The following MACROD2 variants were observed in gnomAD, a reference collection of about 807,000 sequenced individuals.
MACROD2 encodes ADP-ribose glycohydrolase MACROD2.
MACROD2 carries 36 observed loss-of-function variants against 70.4 expected under a neutral mutation model. The ratio of observed to expected loss-of-function variants is 0.51; its 90% CI spans 0.39 to 0.68. The LOEUF is 0.68. MACROD2 is among the 30% of genes least tolerant of loss of function. The pLI is 0.00. For synonymous variants in MACROD2, 172 were observed against 178.8 expected (o/e 0.96, Z 0.30); for missense variants, 496 against 538.4 (o/e 0.92, Z 0.78).
At chr20:14,534,968 A>T (rs891604222) in intron 4 of MACROD2, among the ~76,000 whole-genome samples, 3 of 152,262 alleles carry the variant, frequency 2.0e-5, no homozygotes, top group Admixed American at 6.5e-5. Context: ...ACAATAGATG[A>T]AAGAGGCAAG....
At chr20:15,419,398 T>C (rs1032800196) in intron 6 of MACROD2, among the ~76,000 whole-genome samples, 3 of 152,108 alleles carry the variant, frequency 2.0e-5, no homozygotes, top group Non-Finnish European at 4.4e-5. Context: ...GGGCGTATCA[T>C]GGACAGGGGT....
chr20:14,477,932 A>C (rs1011240617), intron 3 of MACROD2, among the ~76,000 whole-genome samples: 1 of 151,992 alleles, frequency 6.6e-6, no homozygotes, highest in Non-Finnish European at 1.5e-5. Context: ...GTGGTCAAAG[A>C]CTCACTCCAT....
intron 5 of MACROD2, among the ~76,000 whole-genome samples, chr20:15,107,048 A>ATTTTTT (rs2075916351): frequency 1.1e-5 from 1 of 94,438 alleles, no homozygotes; most frequent in African/African-American, 5.5e-5. Context: ...ATGTATATAG[A>ATTTTTT]TTGTTCTGTA....
At chr20:15,252,153 G>T (rs1002938472) in intron 6 of MACROD2, among the ~76,000 whole-genome samples, 1 of 152,310 alleles carries the variant, frequency 6.6e-6, no homozygotes, top group South Asian at 2.1e-4. Flanking sequence ...ATTTTGAGGA[G>T]CTATACTAGG....
At chr20:14,785,946 G>T (rs914023611) in intron 5 of MACROD2, among the ~76,000 whole-genome samples, 1 of 152,008 alleles carries the variant, frequency 6.6e-6, no homozygotes, top group Non-Finnish European at 1.5e-5. Context: ...CAGTACATCA[G>T]CAGCTTACTT....
chr20:14,266,325 G>A (rs2082144001), intron 3 of MACROD2, among the ~76,000 whole-genome samples: 1 of 152,050 alleles, frequency 6.6e-6, no homozygotes, highest in African/African-American at 2.4e-5. Context: ...TGAAAATTTG[G>A]GGTTTCTTGA....
intron 3 of MACROD2, among the ~76,000 whole-genome samples, chr20:14,217,189 C>T (rs535734287): frequency 2.6e-5 from 4 of 152,004 alleles, no homozygotes; most frequent in South Asian, 2.1e-4. Flanking sequence ...CCTTGTATGC[C>T]GATTTCACTG....
chr20:16,009,845 C>G (rs1192550049), intron 15 of MACROD2, among the ~76,000 whole-genome samples: 1 of 152,156 alleles, frequency 6.6e-6, no homozygotes, highest in Admixed American at 6.5e-5. Context: ...TTCTGCCGCC[C>G]ATCCTATTGA....
chr20:15,180,897 T>C (rs1422089790), intron 5 of MACROD2, among the ~76,000 whole-genome samples: 1 of 152,268 alleles, frequency 6.6e-6, no homozygotes, highest in African/African-American at 2.4e-5. Context: ...TGCAATTTTA[T>C]ATTCCAATTT....
chr20:14,626,883 C>T (rs1984199822), intron 4 of MACROD2: 2 of 152,260 alleles, frequency 1.3e-5, no homozygotes, highest in East Asian at 1.9e-4. Flanking sequence ...CCCTTCTAGA[C>T]GAGGGTCTGT....
intron 8 of MACROD2, among the ~76,000 whole-genome samples, chr20:15,765,698 T>C (rs1474920193): frequency 6.6e-6 from 1 of 152,166 alleles, no homozygotes; most frequent in Non-Finnish European, 1.5e-5. Context: ...AGTGAACATA[T>C]TTACAACAGC....
chr20:14,273,323 A>G (rs1169124176), intron 3 of MACROD2, among the ~76,000 whole-genome samples: 4 of 151,954 alleles, frequency 2.6e-5, no homozygotes, highest in South Asian at 2.1e-4. Flanking sequence ...TCAAACTAGA[A>G]CTCAGGATTA....
intron 4 of MACROD2, among the ~76,000 whole-genome samples, chr20:14,572,816 A>G (rs1980288693): frequency 6.6e-6 from 1 of 151,660 alleles, no homozygotes; most frequent in Non-Finnish European, 1.5e-5. Flanking sequence ...CTGTGTACTT[A>G]TGATCAGTGC....
chr20:14,617,413 A>G (rs1177267011), intron 4 of MACROD2, among the ~76,000 whole-genome samples: 1 of 151,996 alleles, frequency 6.6e-6, no homozygotes, highest in African/African-American at 2.4e-5. Context: ...CCTTCTTTGC[A>G]TCTTTAAAAC....
intron 3 of MACROD2, among the ~76,000 whole-genome samples, chr20:14,335,170 A>C (rs1182197828): frequency 1.3e-5 from 2 of 152,118 alleles, no homozygotes; most frequent in Non-Finnish European, 2.9e-5. Context: ...AGCACAGAAA[A>C]ATCTCTCTGC....
At chr20:16,031,468 C>T (rs2067150809) in intron 15 of MACROD2, among the ~76,000 whole-genome samples, 1 of 152,094 alleles carries the variant, frequency 6.6e-6, no homozygotes, top group South Asian at 2.1e-4. Flanking sequence ...TAGAAATTCA[C>T]TCGGAATTCA....
intron 5 of MACROD2, among the ~76,000 whole-genome samples, chr20:14,777,581 T>C (rs758637830): frequency 6.6e-6 from 1 of 152,048 alleles, no homozygotes; most frequent in African/African-American, 2.4e-5. Context: ...CCGATTCATA[T>C]AGACCACACA....
At chr20:14,653,075 T>C (rs1448867007) in intron 4 of MACROD2, among the ~76,000 whole-genome samples, 1 of 152,116 alleles carries the variant, frequency 6.6e-6, no homozygotes, top group East Asian at 1.9e-4. Flanking sequence ...GCCATATAAC[T>C]CATATCACTC....
intron 8 of MACROD2, among the ~76,000 whole-genome samples, chr20:15,601,522 A>T (rs772689506): frequency 2.6e-5 from 4 of 152,230 alleles, no homozygotes; most frequent in Non-Finnish European, 5.9e-5. Flanking sequence ...ATATGATTTA[A>T]TAGATGTTTA....
Sources: allele counts gnomAD v4.1 joint callset (sites outside exome capture counted in the v4.1 genomes callset), GRCh38; gene constraint gnomAD v4.1.1; transcripts MANE v1.5; gene names NCBI Gene and HGNC (gene_info 2026-07-23, HGNC 2026-07-21).